SLC44A3: variants seen among roughly 807,000 people sequenced by gnomAD.
SLC44A3 encodes the protein choline transporter-like protein 3.
SLC44A3 carries 74 observed loss-of-function variants against 75.4 expected under a neutral mutation model. The observed-to-expected ratio is 0.98, with a 90% CI of 0.81 to 1.19. The LOEUF (loss-of-function observed/expected upper bound fraction) is 1.19, where lower values mean the gene tolerates loss of function less well. Among genes scored for constraint, SLC44A3 ranks in the 50% most tolerant of loss-of-function variants. The pLI is 0.00. For synonymous variants in SLC44A3, 310 were observed against 296.9 expected (o/e 1.04, Z -0.45); for missense variants, 700 against 778.6 (o/e 0.90, Z 1.20).
At position 94,830,357 on chromosome 1, in the gene SLC44A3, C is replaced by T. The variant is rs548622792; in HGVS notation, c.509+1771C>T. On this transcript the variant is annotated intron_variant, in intron 5 of 14. Coordinates refer to ENST00000271227, the MANE Select transcript of SLC44A3 (RefSeq NM_001114106.3). ...CCTCCCAAGTAGCTGGGACCACAGG[C>T]GCATGCCACCATACCCAGCTAATGT... is the stretch of plus-strand genomic sequence containing the variant. Among the ~76,000 whole-genome samples the T allele has an allele frequency of 2.3e-4, 35 of 152,158 alleles. No homozygotes were observed. The South Asian group carries it at 6.2e-3, about 27-fold the overall frequency.
chr1:94,857,544 A>T (rs751363497), intron 10 of SLC44A3, 44 bp downstream of exon 10: 6 of 1,533,900 alleles, frequency 3.9e-6, no homozygotes, highest in Admixed American at 2.0e-5. Flanking sequence ...TATGTGGTTT[A>T]TCTATGTGCT....
intron 10 of SLC44A3, among the ~76,000 whole-genome samples, chr1:94,857,855 C>T (rs1281961969): frequency 7.0e-6 from 1 of 141,928 alleles, no homozygotes; most frequent in African/African-American, 2.7e-5. Flanking sequence ...GCTCTGTCAT[C>T]CAGGCTGGAG....
intron 12 of SLC44A3, among the ~76,000 whole-genome samples, chr1:94,888,410 C>T (rs1669835252): frequency 2.0e-5 from 3 of 152,188 alleles, no homozygotes. Context: ...ACCCATCCTA[C>T]AGATGTGCTT....
At chr1:94,862,762 G>A (rs1666724813) in intron 10 of SLC44A3, among the ~76,000 whole-genome samples, 2 of 152,166 alleles carry the variant, frequency 1.3e-5, no homozygotes, top group Admixed American at 6.5e-5. Context: ...CTGACTGGGG[G>A]CCCAGTCCTC....
Position 94,824,509 on chromosome 1 carries a change from A to G in SLC44A3, c.152A>G (p.Tyr51Cys), listed in dbSNP as rs1392417439. ...TTTTGCCAGGTGTTTATCATGGGCT[A>G]CTCGGTGGTGGCTGGAGCCGCGGGA... Reference protein sequence around the residue: ...FWTGLVFIMGYSVVAGAAGRL... With the variant: ...FWTGLVFIMGCSVVAGAAGRL... The change falls in exon 3 of 15, where the codon TAC (tyrosine) becomes TGC (cysteine). Residue 51 changes from tyrosine (Y) to cysteine (C), a missense_variant. Transcript: ENST00000271227. The G allele has an allele frequency of 6.2e-7, 1 of 1,605,294 alleles. No homozygotes were observed. The highest frequency in any genetic ancestry group is 1.7e-5 in the Admixed American group (1 of 57,278).
intron 12 of SLC44A3, among the ~76,000 whole-genome samples, chr1:94,876,468 G>A (rs1330263979): frequency 6.6e-6 from 1 of 152,204 alleles, no homozygotes; most frequent in Admixed American, 6.5e-5. Context: ...TTCCTCGGCT[G>A]TCATTCTTAT....
At chr1:94,879,929 C>G (rs12758601) in intron 12 of SLC44A3, among the ~76,000 whole-genome samples, 1 of 151,850 alleles carries the variant, frequency 6.6e-6, no homozygotes, top group Admixed American at 6.6e-5. Flanking sequence ...AAAAGACACT[C>G]GATATCACTA....
chr1:94,831,108 T>C (rs1414451203), intron 5 of SLC44A3, among the ~76,000 whole-genome samples: 2 of 152,218 alleles, frequency 1.3e-5, no homozygotes, highest in Non-Finnish European at 2.9e-5. Context: ...TAGACTCACA[T>C]CAAGCTGGGA....
intron 12 of SLC44A3, among the ~76,000 whole-genome samples, chr1:94,886,016 G>T (rs1669546657): frequency 6.6e-6 from 1 of 152,188 alleles, no homozygotes. Flanking sequence ...GAGCCAGAGT[G>T]CCTGGAGGAG....
chr1:94,883,672 TA>T (rs1160502104), intron 12 of SLC44A3, among the ~76,000 whole-genome samples: 2 of 152,180 alleles, frequency 1.3e-5, no homozygotes, highest in African/African-American at 4.8e-5. Flanking sequence ...TGCCTAAACT[TA>T]AAACCCTATG....
At chr1:94,823,664 A>G (rs1252258983) in intron 2 of SLC44A3, among the ~76,000 whole-genome samples, 1 of 152,260 alleles carries the variant, frequency 6.6e-6, no homozygotes, top group Non-Finnish European at 1.5e-5. Flanking sequence ...CCTTTGCAGC[A>G]TAAGGTATCA....
rs1260263223 is a variant in SLC44A3, at chr1:94,824,621, C to T, written c.264C>T (p.Asp88=). 2 of 1,588,624 alleles carry T rather than the reference C, an allele frequency of 1.3e-6. No individual in the cohort carries two copies. The highest frequency in any genetic ancestry group is 3.8e-5 in the Admixed American group (2 of 52,224). The change falls in exon 3 of 15, where the codon GAC becomes GAT. Residue 88 remains aspartate (D), a synonymous_variant. Transcript: ENST00000271227. ...AAGGGGCCCCTCTTTCAGGGCAGGACATGACCCTAAAAAAGTAAGTATCTA... is the reference window on the plus strand; with the variant it reads ...AAGGGGCCCCTCTTTCAGGGCAGGATATGACCCTAAAAAAGTAAGTATCTA... ...PVEGAPLSGQ[D]MTLKKHVFFM...
chr1:94,863,535 TA>T (rs1159584449), intron 10 of SLC44A3, among the ~76,000 whole-genome samples: 7 of 151,212 alleles, frequency 4.6e-5, no homozygotes, highest in Middle Eastern at 3.4e-3. Context: ...CGTTCTTCCT[TA>T]AAAAAAAAGA....
chr1:94,891,141 T>G lies in SLC44A3; in HGVS notation c.1494T>G (p.Thr498=), dbSNP rs1253755460. 6.2e-7 allele frequency: 1 copy of G among 1,607,136 alleles called. No homozygotes were observed. Among genetic ancestry groups the G allele is most frequent in the Non-Finnish European group, 8.5e-7 (1 of 1,178,012 alleles). The change falls in exon 13 of 15, where the codon ACT becomes ACG. Residue 498 remains threonine (T), a synonymous_variant. Transcript: ENST00000271227. ...YLLHLNQNAY[T]TTAINGTDFC... is the part of the protein sequence containing the mutation. ...CTCTTCTGTTTCAGAATGCATATAC[T>G]ACAACTGCTATTAATGGGACAGATT...
chr1:94,841,642 C>T (rs113897172), intron 7 of SLC44A3, among the ~76,000 whole-genome samples: 136 of 152,322 alleles, frequency 8.9e-4, no homozygotes, highest in African/African-American at 3.1e-3. Flanking sequence ...TTGCTTAAAA[C>T]ATTTAGACAG....
chr1:94,857,298 A>G, intron 9 of SLC44A3, 37 bp from the exon 10 acceptor site: 1 of 1,535,792 alleles, frequency 6.5e-7, no homozygotes, highest in Non-Finnish European at 8.8e-7. Flanking sequence ...GCTTAGGAAA[A>G]CATTGGTGTA....
At chr1:94,882,022 A>C (rs1241765215) in intron 12 of SLC44A3, among the ~76,000 whole-genome samples, 1 of 152,072 alleles carries the variant, frequency 6.6e-6, no homozygotes, top group Non-Finnish European at 1.5e-5. Flanking sequence ...TCCATCTAAA[A>C]AAAAAACAAA....
chr1:94,867,253 G>C, intron 11 of SLC44A3, 78 bp from the exon 12 acceptor site: 2 of 1,307,056 alleles, frequency 1.5e-6, no homozygotes, highest in South Asian at 3.3e-5. Context: ...TAAAAACTGT[G>C]TTTCCTCAGA....
In SLC44A3 at chr1:94,867,320, A is replaced by T; in HGVS notation, c.1396-11A>T. 1.3e-6 allele frequency: 2 copies of T among 1,567,088 alleles called. No homozygotes were observed. Among genetic ancestry groups the T allele is most frequent in the Non-Finnish European group, 1.7e-6 (2 of 1,152,622 alleles). On this transcript the variant is annotated splice_polypyrimidine_tract_variant and intron_variant, in intron 11 of 14. Transcript: ENST00000271227. ...TTTTGACTCTGTTCCTTTGTTCTCA[A>T]CCTGATCCAGCAGCATGGTGCATTG...
Sources: allele counts gnomAD v4.1 joint callset (sites outside exome capture counted in the v4.1 genomes callset), GRCh38; gene constraint gnomAD v4.1.1; transcripts MANE v1.5; gene names NCBI Gene and HGNC (gene_info 2026-07-23, HGNC 2026-07-21).